The following GRIN2A variants were observed in gnomAD, a reference collection of about 807,000 sequenced individuals.
GRIN2A encodes the protein glutamate receptor ionotropic, NMDA 2A.
In GRIN2A, 22 loss-of-function variants were observed where a neutral mutation model predicts 113.4. That is an observed-to-expected ratio of 0.19 (90% CI 0.14 to 0.28). The LOEUF (loss-of-function observed/expected upper bound fraction) is 0.28, where lower values mean the gene tolerates loss of function less well. Among genes scored for constraint, GRIN2A ranks in the 10% least tolerant of loss-of-function variants. GRIN2A has a pLI of 1.00. For missense variants in GRIN2A, 1,502 were observed against 1,887.0 expected (o/e 0.80, Z 3.78); for synonymous variants, 827 against 738.4 (o/e 1.12, Z -1.94).
intron 4 of GRIN2A, among the ~76,000 whole-genome samples, chr16:9,878,284 T>C (rs184223022): frequency 3.5e-4 from 53 of 152,292 alleles, no homozygotes; most frequent in African/African-American, 1.2e-3. Context: ...CCTTTACCAC[T>C]GTATGGCCTT....
At chr16:9,877,629 C>A (rs2043394024) in intron 4 of GRIN2A, among the ~76,000 whole-genome samples, 1 of 135,520 alleles carries the variant, frequency 7.4e-6, no homozygotes, top group South Asian at 2.8e-4. Context: ...TTCCTCTCCC[C>A]AGTTCCGTCT....
chr16:9,795,675 C>T (rs146557672), intron 11 of GRIN2A, among the ~76,000 whole-genome samples: 8 of 152,296 alleles, frequency 5.3e-5, no homozygotes, highest in African/African-American at 1.9e-4. Flanking sequence ...CTAAGCTATG[C>T]ACTTTACATG....
chr16:10,073,546 G>A (rs1442849192), intron 2 of GRIN2A, among the ~76,000 whole-genome samples: 1 of 152,078 alleles, frequency 6.6e-6, no homozygotes, highest in Non-Finnish European at 1.5e-5. Flanking sequence ...AACCAGTACA[G>A]CATTAAGAAA....
intron 2 of GRIN2A, among the ~76,000 whole-genome samples, chr16:9,965,487 A>G (rs998702930): frequency 6.6e-6 from 1 of 152,202 alleles, no homozygotes; most frequent in Non-Finnish European, 1.5e-5. Context: ...GACTTTTGGG[A>G]TAGTGAACAA....
intron 11 of GRIN2A, among the ~76,000 whole-genome samples, chr16:9,777,289 G>A (rs1901663176): frequency 6.6e-6 from 1 of 152,082 alleles, no homozygotes; most frequent in African/African-American, 2.4e-5. Flanking sequence ...AAATGAGCTA[G>A]AGAAAAATAA....
chr16:9,791,633 T>C (rs922496391), intron 11 of GRIN2A, among the ~76,000 whole-genome samples: 6 of 152,300 alleles, frequency 3.9e-5, no homozygotes, highest in East Asian at 1.9e-4. Context: ...TCAAGGGCAG[T>C]GTTGAGGATA....
intron 2 of GRIN2A, among the ~76,000 whole-genome samples, chr16:9,941,257 A>G (rs1169977156): frequency 6.6e-6 from 1 of 152,168 alleles, no homozygotes; most frequent in Non-Finnish European, 1.5e-5. Context: ...GGAATGTGGG[A>G]TCCTCCAACA....
chr16:9,763,154 C>G lies in GRIN2A; in HGVS notation c.4390G>C (p.Val1464Leu). The change falls in exon 13 of 13, where the codon GTT (valine) becomes CTT (leucine). Residue 1464 changes from valine (V) to leucine (L), a missense_variant. Physicochemically the swap from Val to Leu is conservative, Grantham distance 32. Transcript: ENST00000330684. ...YKKMPSIESD[V>L] ...AAAACATTAATGGAAGATTTTTAAACATCAGATTCGATACTAGGCATTTTC... is the reference window on the plus strand; with the variant it reads ...AAAACATTAATGGAAGATTTTTAAAGATCAGATTCGATACTAGGCATTTTC... 6.2e-7 allele frequency: 1 copy of G among 1,613,796 alleles called. No individual in the cohort carries two copies. The highest frequency in any genetic ancestry group is 8.5e-7 in the Non-Finnish European group (1 of 1,179,688).
At chr16:10,096,250 T>C (rs1320019742) in intron 2 of GRIN2A, among the ~76,000 whole-genome samples, 3 of 152,102 alleles carry the variant, frequency 2.0e-5, no homozygotes, top group Admixed American at 2.0e-4. Flanking sequence ...ACTCAGAGGA[T>C]AGTGACATTC....
intron 2 of GRIN2A, among the ~76,000 whole-genome samples, chr16:10,063,118 C>A (rs1482217140): frequency 2.0e-5 from 3 of 152,062 alleles, no homozygotes; most frequent in African/African-American, 4.8e-5. Context: ...CAAATTAACA[C>A]AGGAACAGAA....
chr16:9,961,062 A>G (rs758058990), intron 2 of GRIN2A, among the ~76,000 whole-genome samples: 4 of 152,234 alleles, frequency 2.6e-5, no homozygotes, highest in Non-Finnish European at 4.4e-5. Context: ...AGTACTTGGT[A>G]TATAGCAAGC....
intron 2 of GRIN2A, among the ~76,000 whole-genome samples, chr16:10,028,682 A>G (rs1185662514): frequency 2.0e-5 from 3 of 152,202 alleles, no homozygotes; most frequent in African/African-American, 7.2e-5. Flanking sequence ...GCAAAAAGTA[A>G]GCTTTATTGT....
intron 2 of GRIN2A, among the ~76,000 whole-genome samples, chr16:10,068,682 G>A (rs929508161): frequency 6.6e-6 from 1 of 152,162 alleles, no homozygotes; most frequent in African/African-American, 2.4e-5. Flanking sequence ...TTCCCCCATG[G>A]ATCATCTAAT....
intron 2 of GRIN2A, 96 bp downstream of exon 2, chr16:10,179,895 CTTCACAT>C: frequency 4.0e-5 from 32 of 808,046 alleles, no homozygotes; most frequent in East Asian, 9.1e-5. Flanking sequence ...CCCACCCCCA[CTTCACAT>C]CAAGACAGAT....
intron 2 of GRIN2A, among the ~76,000 whole-genome samples, chr16:10,041,998 T>G (rs2047174666): frequency 6.6e-6 from 1 of 152,136 alleles, no homozygotes; most frequent in African/African-American, 2.4e-5. Context: ...CATGTCTGAG[T>G]CCTCCTTGTG....
intron 2 of GRIN2A, among the ~76,000 whole-genome samples, chr16:10,166,964 C>T (rs918200866): frequency 1.3e-5 from 2 of 152,256 alleles, no homozygotes; most frequent in Admixed American, 6.5e-5. Flanking sequence ...CTATATAATA[C>T]ATATAGCATA....
At chr16:10,144,429 T>G (rs192919570) in intron 2 of GRIN2A, among the ~76,000 whole-genome samples, 2 of 152,336 alleles carry the variant, frequency 1.3e-5, no homozygotes, top group East Asian at 3.9e-4. Flanking sequence ...TGAGAACCTT[T>G]TTAATGCCTG....
At chr16:10,103,153 G>C (rs1339043484) in intron 2 of GRIN2A, among the ~76,000 whole-genome samples, 1 of 151,224 alleles carries the variant, frequency 6.6e-6, no homozygotes, top group Non-Finnish European at 1.5e-5. Context: ...AGCAGCAACA[G>C]CAACTTTTTT....
chr16:9,907,700 C>T (rs946857166), intron 3 of GRIN2A, among the ~76,000 whole-genome samples: 1 of 152,048 alleles, frequency 6.6e-6, no homozygotes, highest in Non-Finnish European at 1.5e-5. Context: ...AAAGATCTGT[C>T]TCGCCTAAAT....
Sources: allele counts gnomAD v4.1 joint callset (sites outside exome capture counted in the v4.1 genomes callset), GRCh38; gene constraint gnomAD v4.1.1; transcripts MANE v1.5; gene names NCBI Gene and HGNC (gene_info 2026-07-23, HGNC 2026-07-21).